The following MOV10L1 variants were observed in gnomAD, a reference collection of about 807,000 sequenced individuals.
MOV10L1 encodes the protein RNA helicase Mov10l1.
A neutral mutation model predicts 143.8 loss-of-function variants in MOV10L1; 110 were observed. The observed-to-expected ratio is 0.76, with a 90% CI of 0.66 to 0.90. The LOEUF is 0.90. Among genes scored for constraint, MOV10L1 ranks in the 40% least tolerant of loss-of-function variants. The pLI, the probability that MOV10L1 is intolerant of heterozygous loss-of-function variation, is 0.00. For synonymous variants in MOV10L1, 593 were observed against 581.1 expected (o/e 1.02, Z -0.29); for missense variants, 1,406 against 1,526.8 (o/e 0.92, Z 1.32).
chr22:50,091,893 G>A lies in MOV10L1; in HGVS notation c.98-108G>A, dbSNP rs999422250. ...CAGCCCGTTCGGAGTCAGTGCCTCCGAACTGCAAAAAAAGGAGGCTTTTGC... is the reference window on the plus strand; with the variant it reads ...CAGCCCGTTCGGAGTCAGTGCCTCCAAACTGCAAAAAAAGGAGGCTTTTGC... On this transcript the variant is annotated intron_variant, in intron 1 of 26. Transcript: ENST00000262794. The A allele has an allele frequency of 1.5e-5, 16 of 1,095,950 alleles. No individual in the cohort carries two copies. The East Asian group carries it at 2.2e-4, about 15-fold the overall frequency. The allele number at this position is 1,095,950 out of a possible 1,614,324, so 67.9% of individuals were successfully genotyped here.
At chr22:50,097,859 A>G (rs1416583457) in intron 2 of MOV10L1, among the ~76,000 whole-genome samples, 1 of 152,102 alleles carries the variant, frequency 6.6e-6, no homozygotes. Flanking sequence ...TTTGAGACAG[A>G]GTCTTGCTCT....
In MOV10L1 at chr22:50,117,192, GTT is replaced by G; in HGVS notation, c.1299_1300del (p.Ser434ArgfsTer9). On this transcript the variant is annotated frameshift_variant, in exon 9 of 27. Coordinates refer to ENST00000262794, the MANE Select transcript of MOV10L1 (RefSeq NM_018995.3). LOFTEE classifies it high-confidence loss of function. The stretch of plus-strand genomic sequence containing the variant: ...CGCTGCAAGGAGCTCCTTTTGCTCT[GTT>G]TTTCCGATTTCCTAATTGGGCGATA... 1 of 1,610,608 alleles carries G rather than the reference GTT, an allele frequency of 6.2e-7. No homozygotes were observed. Among genetic ancestry groups the G allele is most frequent in the Non-Finnish European group, 8.5e-7 (1 of 1,178,370 alleles).
chr22:50,096,853 TATATATTCTGG>T (rs2062602543), intron 2 of MOV10L1, among the ~76,000 whole-genome samples: 1 of 152,198 alleles, frequency 6.6e-6, no homozygotes, highest in Non-Finnish European at 1.5e-5. Flanking sequence ...AGGAATTCTT[TATATATTCTGG>T]ATATTAATCT....
At chr22:50,111,898 A>T (rs910604264) in intron 5 of MOV10L1, among the ~76,000 whole-genome samples, 1 of 152,154 alleles carries the variant, frequency 6.6e-6, no homozygotes, top group Non-Finnish European at 1.5e-5. Flanking sequence ...TCCCGATAGA[A>T]TGCAGGTTCT....
In MOV10L1 at chr22:50,159,181, G is replaced by T. The variant is rs1000665386; in HGVS notation, c.3217-497G>T. ...GCTTTCCTAGTAAGCATTGTCCCCC[G>T]TCCCCAGTTTAACTAAAACTGCAAT... On this transcript the variant is annotated intron_variant, in intron 23 of 26. Coordinates refer to ENST00000262794, the MANE Select transcript of MOV10L1 (RefSeq NM_018995.3). The surrounding 1 kb of genome is among the most constrained non-coding windows in gnomAD (Gnocchi z 4.1). 1 of 152,130 alleles carries T rather than the reference G, an allele frequency of 6.6e-6. No homozygotes were observed. Among genetic ancestry groups the T allele is most frequent in the Admixed American group, 6.6e-5 (1 of 15,264 alleles). 9.4% of individuals were successfully genotyped at this position (152,130 alleles called of 1,614,324 possible). A position where few individuals can be genotyped will look rare whatever the true frequency, so the allele number is the denominator to read the frequency against.
intron 15 of MOV10L1, among the ~76,000 whole-genome samples, chr22:50,135,670 G>T (rs547423673): frequency 6.7e-6 from 1 of 149,106 alleles, no homozygotes; most frequent in East Asian, 2.0e-4. Flanking sequence ...AGAATCACTT[G>T]AACCCAGGAG....
chr22:50,099,339 C>T, intron 2 of MOV10L1, 104 bp from the exon 3 acceptor site: 1 of 1,376,304 alleles, frequency 7.3e-7, no homozygotes, highest in Non-Finnish European at 9.9e-7. Flanking sequence ...GGGCCTTGAT[C>T]TTGGACTTGC....
rs2062460636 is a variant in MOV10L1 at position 50,092,075 on chromosome 22, A to G, written c.172A>G (p.Ile58Val). 1.9e-6 allele frequency: 3 copies of G among 1,613,974 alleles called. No individual in the cohort carries two copies. The highest frequency in any genetic ancestry group is 4.5e-5 in the East Asian group (2 of 44,894). ...CGATTATGGCATGATTGATGATATG[A>G]TCTACTTCTCCAGTGATGCTGTGAC... ...CSDYGMIDDM[I>V]YFSSDAVTSR... The change falls in exon 2 of 27, where the codon ATC becomes GTC. Residue 58 changes from isoleucine (I) to valine (V), a missense_variant. Around this residue, in one of 3 missense-constraint regions of MOV10L1, gnomAD observed 166 missense variants for 153.9 expected, o/e 1.08. Transcript: ENST00000262794.
Position 50,150,895 on chromosome 22 carries a change from T to C in MOV10L1, c.2888T>C (p.Leu963Pro), listed in dbSNP as rs2063282163. Residue 963 changes from leucine to proline, a missense_variant, in exon 21 of 27, where the codon CTG becomes CCG. This residue lies in a region of MOV10L1 where 1,233 missense variants were observed against 1,351.4 expected (regional missense o/e 0.91). Transcript: ENST00000262794. ...AFGACGAHNP[L>P]LVTKLVKNYR... The stretch of plus-strand genomic sequence containing the variant: ...GGTGCTTGTGGCGCACATAATCCCC[T>C]GTTGGTGAGTCACAGACTCCAGCGC... 1.4e-5 allele frequency: 23 copies of C among 1,614,044 alleles called. No individual in the cohort carries two copies. Among genetic ancestry groups the C allele is most frequent in the Non-Finnish European group, 1.6e-5 (19 of 1,179,944 alleles).
intron 3 of MOV10L1, among the ~76,000 whole-genome samples, chr22:50,103,316 A>G (rs1262123493): frequency 1.3e-5 from 2 of 152,326 alleles, no homozygotes; most frequent in East Asian, 3.9e-4. Flanking sequence ...AATTCTTAAC[A>G]TCAGTGGTGG....
chr22:50,117,153 C>T lies in MOV10L1; in HGVS notation c.1260-4C>T. ...AAACTAAATTTCATTTTGTTTTTTTCAAGAAATCCTGGCCGCTGCAAGGAG... is the reference window on the plus strand; with the variant it reads ...AAACTAAATTTCATTTTGTTTTTTTTAAGAAATCCTGGCCGCTGCAAGGAG... On this transcript the variant is annotated splice_region_variant and splice_polypyrimidine_tract_variant and intron_variant, in intron 8 of 26. Transcript: ENST00000262794. 1.3e-6 allele frequency: 2 copies of T among 1,581,374 alleles called. No homozygotes were observed. The highest frequency in any genetic ancestry group is 3.8e-5 in the Admixed American group (2 of 52,408).
intron 16 of MOV10L1, among the ~76,000 whole-genome samples, 192 bp downstream of exon 16, chr22:50,142,381 A>G (rs1257072052): frequency 1.3e-5 from 2 of 152,088 alleles, no homozygotes; most frequent in African/African-American, 4.8e-5. Flanking sequence ...AGACTTTTAG[A>G]TTCTGGGTTG....
At chr22:50,105,844 CAGG>C (rs1258995174) in intron 3 of MOV10L1, among the ~76,000 whole-genome samples, 1 of 152,168 alleles carries the variant, frequency 6.6e-6, no homozygotes, top group African/African-American at 2.4e-5. Flanking sequence ...AGCTTTGTCA[CAGG>C]AGTTGTGCAT....
Position 50,149,724 on chromosome 22 carries a change from G to A in MOV10L1, c.2727+10G>A, listed in dbSNP as rs2272840. 394,604 of 1,608,630 alleles carry A rather than the reference G, an allele frequency of 0.25. 50,022 individuals carry two copies. Among genetic ancestry groups the A allele is most frequent in the Admixed American group, 0.4 (23,506 of 59,480 alleles). ...GGACATCAGTGGCCAGGTAAGTCCC[G>A]ACTACTGTGTGTGCTGCTTCCTCCT... On this transcript the variant is annotated intron_variant, in intron 20 of 26. Coordinates refer to ENST00000262794, the MANE Select transcript of MOV10L1 (RefSeq NM_018995.3).
chr22:50,153,611 G>C (rs2063353289), intron 22 of MOV10L1, among the ~76,000 whole-genome samples: 1 of 152,176 alleles, frequency 6.6e-6, no homozygotes, highest in East Asian at 1.9e-4. Flanking sequence ...CTTCCCTCGA[G>C]GGTTGGAGCT....
At chr22:50,100,968 A>G (rs536752226) in intron 3 of MOV10L1, among the ~76,000 whole-genome samples, 4 of 152,324 alleles carry the variant, frequency 2.6e-5, no homozygotes, top group South Asian at 4.1e-4. Context: ...CTCCATACTC[A>G]GGTCTGTTTC....
At chr22:50,130,049 G>A (rs776787282) in intron 13 of MOV10L1, among the ~76,000 whole-genome samples, 1 of 152,126 alleles carries the variant, frequency 6.6e-6, no homozygotes, top group African/African-American at 2.4e-5. Context: ...GCCAAGGCAG[G>A]TGGATCTCTT....
chr22:50,120,075 C>G (rs1483819716), intron 9 of MOV10L1, among the ~76,000 whole-genome samples: 3 of 152,132 alleles, frequency 2.0e-5, no homozygotes, highest in Non-Finnish European at 4.4e-5. Flanking sequence ...AAAAACAAAT[C>G]GAAGGCAGGA....
chr22:50,115,942 G>A (rs538270182), intron 8 of MOV10L1, among the ~76,000 whole-genome samples: 4 of 152,294 alleles, frequency 2.6e-5, no homozygotes, highest in South Asian at 2.1e-4. Flanking sequence ...GATGCCAGAC[G>A]CCAACCTTGA....
Sources: gnomAD v4.1 joint callset for allele counts (sites outside exome capture counted in the v4.1 genomes callset) on GRCh38, gnomAD v4.1.1 for gene constraint, gnomAD v4.1.1 regional missense constraint, Gnocchi (gnomAD v3.1) non-coding constraint, MANE v1.5 for transcripts, NCBI Gene and HGNC (gene_info 2026-07-23, HGNC 2026-07-21) for gene names.